The following JAKMIP3 variants were observed in gnomAD, a reference collection of about 807,000 sequenced individuals.
JAKMIP3 encodes the protein Janus kinase and microtubule interacting protein 3.
A neutral mutation model predicts 118.5 loss-of-function variants in JAKMIP3; 58 were observed. The observed-to-expected ratio is 0.49, with a 90% CI of 0.40 to 0.61. The LOEUF (loss-of-function observed/expected upper bound fraction) is 0.61, where lower values mean the gene tolerates loss of function less well. Ranked by LOEUF, JAKMIP3 falls within the 20% of genes least tolerant of loss-of-function variation. The pLI, the probability that JAKMIP3 is intolerant of heterozygous loss-of-function variation, is 0.00. For missense variants in JAKMIP3, 950 were observed against 1,109.0 expected, an observed-to-expected ratio of 0.86 and a Z score of 2.04; for synonymous variants, 486 against 451.2, an observed-to-expected ratio of 1.08 and a Z score of -0.98.
intron 11 of JAKMIP3, among the ~76,000 whole-genome samples, chr10:132,142,643 G>T (rs1375142798): frequency 6.6e-6 from 1 of 152,234 alleles, no homozygotes; most frequent in Non-Finnish European, 1.5e-5. Context: ...GGCAGTGCAG[G>T]CACCAGGCCT....
intron 19 of JAKMIP3, 24 bp downstream of exon 19, chr10:132,154,014 AC>A: frequency 1.2e-6 from 2 of 1,609,758 alleles, no homozygotes; most frequent in Non-Finnish European, 1.7e-6. Flanking sequence ...GACTGCTGGA[AC>A]CCCGGGGAGG....
chr10:132,141,660 C>T (rs1024829274), intron 10 of JAKMIP3, among the ~76,000 whole-genome samples: 3 of 152,150 alleles, frequency 2.0e-5, no homozygotes, highest in Admixed American at 6.5e-5. Flanking sequence ...TGTCCTCAGC[C>T]GTGCAGCCGA....
At chr10:132,152,908 C>A (rs992137766) in intron 16 of JAKMIP3, 50 bp from the exon 17 acceptor site, 2 of 1,453,004 alleles carry the variant, frequency 1.4e-6, no homozygotes, top group East Asian at 2.4e-5. Context: ...TCACCCTCAC[C>A]CCCAAAGGCA....
At chr10:132,105,953 G>C (rs10160066) in intron 2 of JAKMIP3, among the ~76,000 whole-genome samples, 99,875 of 151,950 alleles carry the variant, frequency 0.66, 33,298 homozygotes, top group East Asian at 0.9. Flanking sequence ...CTGACTTATT[G>C]ACCCTCCTGT....
In JAKMIP3 at chr10:132,157,473, G is replaced by A. The variant is rs554157571; in HGVS notation, c.2220+3483G>A. ...ATTTCTGACGTCCCGACACACAAATGGAGATTATCTGCAGGAAAAGTTATT... is the reference window on the plus strand; with the variant it reads ...ATTTCTGACGTCCCGACACACAAATAGAGATTATCTGCAGGAAAAGTTATT... On this transcript the variant is annotated intron_variant, in intron 19 of 23. Coordinates refer to ENST00000684848, the MANE Select transcript of JAKMIP3 (RefSeq NM_001323087.2). Among the ~76,000 whole-genome samples the A allele has an allele frequency of 4.6e-5, 7 of 152,282 alleles. No individual in the cohort carries two copies. The South Asian group carries it at 6.2e-4, about 14-fold the overall frequency.
At chr10:132,176,075 G>A (rs1313283775) in intron 23 of JAKMIP3, among the ~76,000 whole-genome samples, 6 of 152,188 alleles carry the variant, frequency 3.9e-5, no homozygotes, top group Non-Finnish European at 7.3e-5. Flanking sequence ...GCCAGATCCC[G>A]ATCAGGGGGC....
At chr10:132,093,460 G>A (rs578157839) in intron 1 of JAKMIP3, among the ~76,000 whole-genome samples, 11 of 152,302 alleles carry the variant, frequency 7.2e-5, no homozygotes, top group South Asian at 2.1e-4. Flanking sequence ...CACCAGCCTC[G>A]CTGCCACCTT....
At position 132,105,111 on chromosome 10, in the gene JAKMIP3, T is replaced by C. The variant is rs534023524; in HGVS notation, c.135+168T>C. ...TGGTGGGGGGTGGGGCGGCAGGCAG[T>C]GGGAGACTTGAGGGCCTGTAGGCAC... is the stretch of plus-strand genomic sequence containing the variant. On this transcript the variant is annotated intron_variant, in intron 2 of 23. Coordinates refer to ENST00000684848, the MANE Select transcript of JAKMIP3 (RefSeq NM_001323087.2). Among the ~76,000 whole-genome samples, 7 of 152,064 alleles carry C rather than the reference T, an allele frequency of 4.6e-5. No homozygotes were observed. The East Asian group carries it at 1.4e-3, about 30-fold the overall frequency.
intron 2 of JAKMIP3, among the ~76,000 whole-genome samples, chr10:132,115,963 G>A (rs533476939): frequency 7.2e-5 from 11 of 152,352 alleles, no homozygotes; most frequent in East Asian, 3.9e-4. Flanking sequence ...TCCTCGGAGC[G>A]GGAGAGCAAA....
At position 132,183,082 on chromosome 10, in the gene JAKMIP3, T is replaced by C. The variant is rs2061614527; in HGVS notation, c.*1829T>C. ...GAAATCCTGTTTAGTCCTCTGTGCA[T>C]AGTTTTGTCTCATTTTAACGACTGC... On this transcript the variant is annotated 3_prime_UTR_variant, in exon 24 of 24. Transcript: ENST00000684848. 6.6e-6 allele frequency: 1 copy of C among 152,246 alleles called. No homozygotes were observed. Among genetic ancestry groups the C allele is most frequent in the South Asian group, 2.1e-4 (1 of 4,828 alleles). The allele number at this position is 152,246 out of a possible 1,614,324, so 9.4% of individuals were successfully genotyped here. A position where few individuals can be genotyped will look rare whatever the true frequency, so the allele number is the denominator to read the frequency against.
intron 1 of JAKMIP3, among the ~76,000 whole-genome samples, chr10:132,073,951 G>A (rs556774047): frequency 2.0e-4 from 31 of 152,316 alleles, no homozygotes; most frequent in Admixed American, 2.6e-4. Context: ...ATCTCCATAC[G>A]GTTTTCCATA....
At chr10:132,055,279 A>G (rs534065876) in intron 1 of JAKMIP3, among the ~76,000 whole-genome samples, 48 of 152,172 alleles carry the variant, frequency 3.2e-4, no homozygotes, top group Non-Finnish European at 5.6e-4. Flanking sequence ...CCCCAGAAAG[A>G]CTGAAGCAGA....
chr10:132,171,211 G>A (rs2035807), intron 23 of JAKMIP3, among the ~76,000 whole-genome samples: 96,966 of 152,130 alleles, frequency 0.64, 32,784 homozygotes, highest in East Asian at 0.94. Context: ...TCATCCTCTC[G>A]GGATCCTCTC....
At chr10:132,130,318 G>T (rs1160069416) in intron 3 of JAKMIP3, among the ~76,000 whole-genome samples, 1 of 152,202 alleles carries the variant, frequency 6.6e-6, no homozygotes, top group Non-Finnish European at 1.5e-5. Context: ...CTCTCATTAA[G>T]ACCCTCTGTG....
rs556856858 is a variant in JAKMIP3 at position 132,174,473 on chromosome 10, C to T, written c.*1103+5440C>T. Among the ~76,000 whole-genome samples the T allele has an allele frequency of 6.8e-4, 103 of 152,198 alleles. 1 individual carries two copies. Among genetic ancestry groups the T allele is most frequent in the Admixed American group, 4.5e-3 (69 of 15,282 alleles). On this transcript the variant is annotated intron_variant, in intron 23 of 23. Transcript: ENST00000684848. Reference sequence around the variant, plus strand: ...GCTCCGTGGGTTTTCCTTCTGTTCCCGAGCGGAATCCCCTCGGGTGAAAGG... The same window carrying T: ...GCTCCGTGGGTTTTCCTTCTGTTCCTGAGCGGAATCCCCTCGGGTGAAAGG...
chr10:132,117,050 ACACT>A lies in JAKMIP3; in HGVS notation c.136-24_136-21del. The A allele has an allele frequency of 1.9e-6, 3 of 1,582,538 alleles. No homozygotes were observed. The highest frequency in any genetic ancestry group is 2.6e-6 in the Non-Finnish European group (3 of 1,160,586). On this transcript the variant is annotated intron_variant, in intron 2 of 23. Coordinates refer to ENST00000684848, the MANE Select transcript of JAKMIP3 (RefSeq NM_001323087.2). This position sits in a 1 kb window ranked among gnomAD's most constrained non-coding sequence, Gnocchi z 8.6. ...TGTGTGCATGGCTGGAGCTCCTGCCACACTCAGTCTCGCTGTTGTCTTTCAGGTC... is the reference window on the plus strand; with the variant it reads ...TGTGTGCATGGCTGGAGCTCCTGCCACAGTCTCGCTGTTGTCTTTCAGGTC...
chr10:132,051,957 T>A (rs1438487539), intron 1 of JAKMIP3, among the ~76,000 whole-genome samples: 1 of 152,210 alleles, frequency 6.6e-6, no homozygotes, highest in Non-Finnish European at 1.5e-5. Flanking sequence ...CAGCCAGGTG[T>A]GGTGGCTCAC....
intron 2 of JAKMIP3, among the ~76,000 whole-genome samples, chr10:132,106,207 A>G (rs2045878895): frequency 6.6e-6 from 1 of 152,018 alleles, no homozygotes; most frequent in African/African-American, 2.4e-5. Flanking sequence ...GTGCGGTGGT[A>G]TGCTCCTGTG....
intron 1 of JAKMIP3, among the ~76,000 whole-genome samples, chr10:132,041,392 G>A (rs2037742253): frequency 6.6e-6 from 1 of 152,240 alleles, no homozygotes; most frequent in Non-Finnish European, 1.5e-5. Context: ...GGAACCCTGA[G>A]AGGAGGTGAG....
Sources: allele counts gnomAD v4.1 joint callset (sites outside exome capture counted in the v4.1 genomes callset), GRCh38; gene constraint gnomAD v4.1.1; non-coding constraint Gnocchi (gnomAD v3.1); transcripts MANE v1.5; gene names NCBI Gene and HGNC (gene_info 2026-07-23, HGNC 2026-07-21).